CCDC195: variants seen among roughly 807,000 people sequenced by gnomAD.
The protein encoded by CCDC195 is coiled-coil domain containing 195, also known as coiled-coil domain-containing protein 195.
At position 224,706,189 on chromosome 2, in the gene CCDC195, C is replaced by CTTTTTTTTTTTTTTTTTTTTTTTTTTTT. The variant is rs201012911; in HGVS notation, c.483-2330_483-2303dup. On this transcript the variant is annotated intron_variant, in intron 2 of 2. Coordinates refer to ENST00000638102, the Ensembl canonical transcript of CCDC195. ...TGTATATTGCCTCTATATTTTGTAA[C>CTTTTTTTTTTTTTTTTTTTTTTTTTTTT]TTTTTTTTTTTTTTTTTTTTTTTTT... Among the ~76,000 whole-genome samples, 12 of 33,360 alleles carry CTTTTTTTTTTTTTTTTTTTTTTTTTTTT rather than the reference C, an allele frequency of 3.6e-4. 5 individuals are homozygous for CTTTTTTTTTTTTTTTTTTTTTTTTTTTT. Among genetic ancestry groups the CTTTTTTTTTTTTTTTTTTTTTTTTTTTT allele is most frequent in the East Asian group, 1.1e-3 (1 of 944 alleles). 21.9% of individuals were successfully genotyped at this position (33,360 alleles called of 152,430 possible). A position where few individuals can be genotyped will look rare whatever the true frequency, so the allele number is the denominator to read the frequency against.
chr2:224,713,216 G>A (rs908655453), intron 1 of CCDC195, among the ~76,000 whole-genome samples: 1 of 152,128 alleles, frequency 6.6e-6, no homozygotes, highest in Admixed American at 6.5e-5. Context: ...TTAATTGTAA[G>A]TATGAATTTC....
chr2:224,712,853 CCCTT>C (rs569012803), intron 1 of CCDC195, among the ~76,000 whole-genome samples: 54 of 150,796 alleles, frequency 3.6e-4, no homozygotes, highest in East Asian at 9.9e-4. Context: ...TTCCCTCCCT[CCCTT>C]CCTTCCTTCC....
At chr2:224,714,477 C>T (rs1343871221) in intron 1 of CCDC195, among the ~76,000 whole-genome samples, 4 of 152,078 alleles carry the variant, frequency 2.6e-5, no homozygotes, top group Non-Finnish European at 5.9e-5. Flanking sequence ...CCCAAGGCAA[C>T]ATTTGGCAAT....
chr2:224,711,070 A>G (rs1037612811), intron 1 of CCDC195, among the ~76,000 whole-genome samples: 1 of 152,236 alleles, frequency 6.6e-6, no homozygotes, highest in East Asian at 1.9e-4. Context: ...GCTTATCCAC[A>G]GTGTCTGATC....
At chr2:224,705,110 C>T (rs192546954) in intron 2 of CCDC195, among the ~76,000 whole-genome samples, 382 of 152,194 alleles carry the variant, frequency 2.5e-3, no homozygotes, top group African/African-American at 8.5e-3. Flanking sequence ...TGACACAGGA[C>T]AATCTAGTAA....
At chr2:224,709,224 G>C in intron 2 of CCDC195, among the ~76,000 whole-genome samples, 1 of 151,770 alleles carries the variant, frequency 6.6e-6, no homozygotes, top group Non-Finnish European at 1.5e-5. Flanking sequence ...AAGTAGCTGA[G>C]GCTACAGGCG....
At chr2:224,707,568 T>G (rs1275068144) in intron 2 of CCDC195, among the ~76,000 whole-genome samples, 1 of 152,260 alleles carries the variant, frequency 6.6e-6, no homozygotes, top group Non-Finnish European at 1.5e-5. Context: ...CTTTATTCAC[T>G]TTATTTTTTG....
intron 1 of CCDC195, among the ~76,000 whole-genome samples, chr2:224,710,456 T>C (rs11898692): frequency 0.7 from 106,841 of 152,092 alleles, 38,403 homozygotes; most frequent in African/African-American, 0.87. Context: ...TCCTGGCCAA[T>C]ATGAAACCCT....
chr2:224,716,135 G>T (rs904943472), exon 1 of CCDC195: 1 of 398,706 alleles, frequency 2.5e-6, no homozygotes, highest in South Asian at 1.3e-4. Context: ...GGGTACCTTG[G>T]TGTTCCTGCA....
At chr2:224,710,213 A>T in exon 2 of CCDC195, 1 of 398,624 alleles carries the variant, frequency 2.5e-6, no homozygotes, top group Non-Finnish European at 4.4e-6. Context: ...AACAATCATG[A>T]CATTGCCTGT....
chr2:224,714,849 A>G (rs947944246), intron 1 of CCDC195, among the ~76,000 whole-genome samples: 13 of 152,204 alleles, frequency 8.5e-5, no homozygotes, highest in African/African-American at 3.1e-4. Context: ...GGGTCTCATT[A>G]GAGAGACACA....
intron 1 of CCDC195, among the ~76,000 whole-genome samples, chr2:224,713,601 G>A (rs546625559): frequency 1.3e-5 from 2 of 152,228 alleles, no homozygotes. Flanking sequence ...TTCAATCCAG[G>A]TGTCTTCATG....
intron 1 of CCDC195, among the ~76,000 whole-genome samples, chr2:224,711,333 T>C (rs185638755): frequency 6.6e-6 from 1 of 151,934 alleles, no homozygotes; most frequent in East Asian, 1.9e-4. Context: ...CAATAAACTC[T>C]TTCCTTGAGG....
intron 1 of CCDC195, among the ~76,000 whole-genome samples, chr2:224,713,707 G>T (rs1175698335): frequency 1.3e-5 from 2 of 151,896 alleles, no homozygotes; most frequent in Non-Finnish European, 2.9e-5. Context: ...AACTCAACAG[G>T]ACTCCCAAGT....
chr2:224,704,610 C>CTTTTTTTTTTTTTTTTTTTTTTTTT (rs55801561), intron 2 of CCDC195, among the ~76,000 whole-genome samples: 4 of 110,622 alleles, frequency 3.6e-5, no homozygotes, highest in African/African-American at 3.5e-5. Context: ...CTTTTCTTTT[C>CTTTTTTTTTTTTTTTTTTTTTTTTT]TTTTTTTTTT....
exon 2 of CCDC195, chr2:224,710,104 C>A (rs980602386): frequency 1.0e-5 from 4 of 398,506 alleles, no homozygotes; most frequent in South Asian, 1.3e-4. Context: ...TCAGTGTTCT[C>A]TGACCTTCTA....
chr2:224,714,279 C>T (rs571481436), intron 1 of CCDC195, among the ~76,000 whole-genome samples: 82 of 152,204 alleles, frequency 5.4e-4, no homozygotes, highest in African/African-American at 1.8e-3. Flanking sequence ...TGTTTAGACC[C>T]TGAGAATTTA....
At chr2:224,704,882 G>A (rs1307987438) in intron 2 of CCDC195, among the ~76,000 whole-genome samples, 9 of 151,932 alleles carry the variant, frequency 5.9e-5, no homozygotes, top group East Asian at 1.9e-4. Flanking sequence ...TTGACCTCCC[G>A]AAATGCTGGG....
intron 2 of CCDC195, among the ~76,000 whole-genome samples, chr2:224,709,086 C>CTT (rs35179742): frequency 0.15 from 14,363 of 95,698 alleles, 1,391 homozygotes; most frequent in South Asian, 0.23. Flanking sequence ...TTTCTTTTGT[C>CTT]TTTTTTTTTT....
Sources: allele counts gnomAD v4.1 joint callset (sites outside exome capture counted in the v4.1 genomes callset), GRCh38; gene constraint gnomAD v4.1.1; transcripts MANE v1.5; gene names NCBI Gene and HGNC (gene_info 2026-07-23, HGNC 2026-07-21).